Variants in PDE7A observed in about 807,000 individuals in gnomAD.
The protein encoded by PDE7A is phosphodiesterase 7A.
In PDE7A, 39 loss-of-function variants were observed where a neutral mutation model predicts 64.3. The observed-to-expected ratio is 0.61, with a 90% CI of 0.47 to 0.79. PDE7A has a LOEUF of 0.79. Ranked by LOEUF, PDE7A falls within the 30% of genes least tolerant of loss-of-function variation. The pLI is 0.00. For synonymous variants in PDE7A, 203 were observed against 206.8 expected, an observed-to-expected ratio of 0.98 and a Z score of 0.16; for missense variants, 470 against 582.8, an observed-to-expected ratio of 0.81 and a Z score of 1.99.
intron 1 of PDE7A, among the ~76,000 whole-genome samples, chr8:65,803,105 C>T (rs1365824434): frequency 6.6e-6 from 1 of 152,214 alleles, no homozygotes; most frequent in African/African-American, 2.4e-5. Context: ...GAGCCAAGTA[C>T]ACCTCTTTTC....
chr8:65,714,843 C>T lies in PDE7A; in HGVS notation c.*4447G>A, dbSNP rs955621876. ...AGAATCTTCAAGGAATTACTAGCACCTCTAATCTGTACCTCAGGTACAAAT... is the reference window on the plus strand; with the variant it reads ...AGAATCTTCAAGGAATTACTAGCACTTCTAATCTGTACCTCAGGTACAAAT... On this transcript the variant is annotated 3_prime_UTR_variant, in exon 13 of 13. Transcript: ENST00000401827. 6.6e-6 allele frequency: 1 copy of T among 152,176 alleles called. No individual in the cohort carries two copies. Among genetic ancestry groups the T allele is most frequent in the Non-Finnish European group, 1.5e-5 (1 of 68,030 alleles). 9.4% of individuals were successfully genotyped at this position (152,176 alleles called of 1,614,324 possible). A position where few individuals can be genotyped will look rare whatever the true frequency, so the allele number is the denominator to read the frequency against.
chr8:65,836,890 C>T (rs1362393262), intron 1 of PDE7A, among the ~76,000 whole-genome samples: 2 of 152,180 alleles, frequency 1.3e-5, no homozygotes, highest in African/African-American at 2.4e-5. Context: ...ATCATATCCA[C>T]GTGGGCCATC....
chr8:65,743,672 A>G (rs1238796565), intron 5 of PDE7A, among the ~76,000 whole-genome samples: 1 of 152,224 alleles, frequency 6.6e-6, no homozygotes, highest in Non-Finnish European at 1.5e-5. Flanking sequence ...AAGGTAATTT[A>G]TTTGTTCATT....
At chr8:65,820,070 A>T (rs59322796) in intron 1 of PDE7A, among the ~76,000 whole-genome samples, 7,680 of 152,318 alleles carry the variant, frequency 0.05, 534 homozygotes, top group African/African-American at 0.16. Context: ...CTTATTATGA[A>T]GACTAAGTAA....
In PDE7A at chr8:65,800,409, C is replaced by G. The variant is rs147679382; in HGVS notation, c.139-17566G>C. On this transcript the variant is annotated intron_variant, in intron 1 of 12. Transcript: ENST00000401827. ...AAGCCCCTGCTTCAAGATATCTCAA[C>G]CTTTTAAACTTAAACCAATGTGTAA... Among the ~76,000 whole-genome samples, 893 of 152,280 alleles carry G rather than the reference C, an allele frequency of 5.9e-3. 9 individuals carry two copies. The highest frequency in any genetic ancestry group is 0.02 in the African/African-American group (844 of 41,548).
At chr8:65,840,965 T>C (rs1811068336) in intron 1 of PDE7A, among the ~76,000 whole-genome samples, 2 of 152,232 alleles carry the variant, frequency 1.3e-5, no homozygotes, top group South Asian at 2.1e-4. Context: ...GCGAACCCCG[T>C]ACAGTTGTGT....
rs540657737 is a variant in PDE7A, at chr8:65,763,161, A to C, written c.284-15358T>G. Among the ~76,000 whole-genome samples the C allele has an allele frequency of 3.3e-5, 5 of 152,300 alleles. No homozygotes were observed. In the East Asian group the frequency reaches 9.6e-4, roughly 29 times the overall value. ...TATTCCCTCCCAAAAGAATTGCTTA[A>C]GGGAGGGAATATTTGTTATACATAT... is the stretch of plus-strand genomic sequence containing the variant. On this transcript the variant is annotated intron_variant, in intron 3 of 12. Coordinates refer to ENST00000401827, the MANE Select transcript of PDE7A (RefSeq NM_001242318.3).
chr8:65,722,969 C>T (rs1467364571), intron 12 of PDE7A: 1 of 152,260 alleles, frequency 6.6e-6, no homozygotes, highest in African/African-American at 2.4e-5. Flanking sequence ...ACAGCGTATA[C>T]TTGGGAAACA....
intron 1 of PDE7A, chr8:65,838,443 G>A (rs917936965): frequency 5.9e-5 from 9 of 152,128 alleles, no homozygotes; most frequent in African/African-American, 2.2e-4. Context: ...ATACATCCTA[G>A]TTTAAAACAA....
rs1811084288 is a variant in PDE7A, at chr8:65,841,395, G to A, written c.114C>T (p.Cys38=). The part of the protein sequence containing the change: ...SFSSSSALFG[C]PNPRQLSQRR... ...CCTGAGAGAGCTGCCGGGGATTGGG[G>A]CAGCCGAAGAGAGCGGAGCTGGAGC... Residue 38 remains cysteine (C), a synonymous_variant, in exon 1 of 13, where the codon TGC becomes TGT. Coordinates refer to ENST00000401827, the MANE Select transcript of PDE7A (RefSeq NM_001242318.3). The A allele has an allele frequency of 6.4e-7, 1 of 1,561,906 alleles. No homozygotes were observed. The highest frequency in any genetic ancestry group is 8.6e-7 in the Non-Finnish European group (1 of 1,158,704).
chr8:65,727,026 A>G, intron 8 of PDE7A, 60 bp from the exon 9 acceptor site: 9 of 1,003,774 alleles, frequency 9.0e-6, no homozygotes, highest in African/African-American at 1.6e-5. Context: ...ACATATCATT[A>G]CTAACAATAC....
At chr8:65,782,751 A>G in intron 2 of PDE7A, 32 bp downstream of exon 2, 1 of 1,218,894 alleles carries the variant, frequency 8.2e-7, no homozygotes, top group Non-Finnish European at 1.2e-6. Context: ...AACAAAATTA[A>G]CTGATATTGG....
chr8:65,823,670 T>C (rs568086074), intron 1 of PDE7A, among the ~76,000 whole-genome samples: 10 of 152,184 alleles, frequency 6.6e-5, no homozygotes, highest in Middle Eastern at 6.8e-3. Context: ...TACCATATAT[T>C]AAAAACATGA....
chr8:65,739,408 G>A (rs1807301731), intron 6 of PDE7A, 94 bp downstream of exon 6: 5 of 1,351,096 alleles, frequency 3.7e-6, no homozygotes, highest in Non-Finnish European at 3.9e-6. Context: ...GTTTGTTATA[G>A]AGCAATAGCT....
chr8:65,836,012 A>G (rs1810941994), intron 1 of PDE7A, among the ~76,000 whole-genome samples: 2 of 152,318 alleles, frequency 1.3e-5, no homozygotes, highest in South Asian at 4.1e-4. Context: ...GTATGGTAGT[A>G]TTAAATTTAA....
intron 1 of PDE7A, among the ~76,000 whole-genome samples, chr8:65,831,789 C>T (rs1007027808): frequency 2.6e-5 from 4 of 152,168 alleles, no homozygotes; most frequent in African/African-American, 9.7e-5. Flanking sequence ...GAGCTGCCCA[C>T]CCTTTACGAA....
At chr8:65,823,772 T>C (rs1426821173) in intron 1 of PDE7A, among the ~76,000 whole-genome samples, 1 of 152,288 alleles carries the variant, frequency 6.6e-6, no homozygotes, top group South Asian at 2.1e-4. Context: ...AAAGTTTACA[T>C]GTGCGAGATT....
chr8:65,818,280 T>A (rs566165664), intron 1 of PDE7A, among the ~76,000 whole-genome samples: 2 of 152,304 alleles, frequency 1.3e-5, no homozygotes, highest in South Asian at 4.1e-4. Context: ...TTTTTTGTTG[T>A]TAAACCTAGG....
At chr8:65,730,171 C>CTTCTTT (rs1295965698) in intron 7 of PDE7A, among the ~76,000 whole-genome samples, 25,955 of 86,214 alleles carry the variant, frequency 0.3, 7,712 homozygotes, top group Non-Finnish European at 0.42. Flanking sequence ...TTGCGCACTT[C>CTTCTTT]TTTTTTTTTT....
Sources: allele counts gnomAD v4.1 joint callset (sites outside exome capture counted in the v4.1 genomes callset), GRCh38; gene constraint gnomAD v4.1.1; transcripts MANE v1.5; gene names NCBI Gene and HGNC (gene_info 2026-07-23, HGNC 2026-07-21).